Variants in KIF1A observed in about 807,000 individuals in gnomAD.
The protein encoded by KIF1A is kinesin family member 1A.
Under a neutral mutation model 227.3 loss-of-function variants are expected in KIF1A, and 46 were observed. The observed-to-expected ratio is 0.20, with a 90% CI of 0.16 to 0.26. The LOEUF (loss-of-function observed/expected upper bound fraction) is 0.26, where lower values mean the gene tolerates loss of function less well. Among genes scored for constraint, KIF1A ranks in the 10% least tolerant of loss-of-function variants. The probability of loss-of-function intolerance (pLI) is 1.00; values close to 1 mark genes in which losing one functional copy is unlikely to be tolerated. For missense variants in KIF1A, 1,683 were observed against 2,485.9 expected, an observed-to-expected ratio of 0.68 and a Z score of 6.87; for synonymous variants, 1,022 against 1,012.8, an observed-to-expected ratio of 1.01 and a Z score of -0.17.
intron 1 of KIF1A, among the ~76,000 whole-genome samples, chr2:240,799,413 G>T (rs1272336318): frequency 6.6e-6 from 1 of 152,188 alleles, no homozygotes; most frequent in Non-Finnish European, 1.5e-5. Flanking sequence ...GAGGCTACAG[G>T]GGAGGGGGAT....
chr2:240,742,857 G>A, intron 34 of KIF1A, 72 bp downstream of exon 34: 3 of 1,353,240 alleles, frequency 2.2e-6, no homozygotes, highest in African/African-American at 1.4e-5. Context: ...TCACTGCGGG[G>A]GCCCAGCCCA....
Position 240,773,183 on chromosome 2 carries a change from C to T in KIF1A, c.1111G>A (p.Glu371Lys), listed in dbSNP as rs2052247592. ...NEDPNNKLIR[E>K]LKDEVTRLRD... ...AGCCGGGTCACCTCATCCTTCAGCT[C>T]GCGGATCAGCTTGTTGTTGGGGTCC... Residue 371 changes from glutamate (E) to lysine (K), a missense_variant, in exon 13 of 49, where the codon GAG becomes AAG. By Grantham distance (56) the Glu-to-Lys change is moderately conservative (BLOSUM62 1). This residue lies in a region of KIF1A where 110 missense variants were observed against 133.1 expected (regional missense o/e 0.83). Coordinates refer to ENST00000498729, the MANE Select transcript of KIF1A (RefSeq NM_001244008.2). 1 of 1,613,826 alleles carries T rather than the reference C, an allele frequency of 6.2e-7. No homozygotes were observed. The highest frequency in any genetic ancestry group is 8.5e-7 in the Non-Finnish European group (1 of 1,179,852).
intron 1 of KIF1A, among the ~76,000 whole-genome samples, chr2:240,807,559 A>G (rs1011359971): frequency 5.9e-5 from 9 of 152,246 alleles, no homozygotes; most frequent in Non-Finnish European, 1.3e-4. Context: ...GACAAGGGAA[A>G]AACATTTGTA....
rs1306401374 is a variant in KIF1A at position 240,789,163 on chromosome 2, T to A, written c.183+73A>T. 8.8e-6 allele frequency: 11 copies of A among 1,243,390 alleles called. No individual in the cohort carries two copies. The highest frequency in any genetic ancestry group is 1.3e-5 in the Non-Finnish European group (11 of 847,690). 77.0% of individuals were successfully genotyped at this position (1,243,390 alleles called of 1,614,324 possible). A position where few individuals can be genotyped will look rare whatever the true frequency, so the allele number is the denominator to read the frequency against. Reference sequence around the variant, plus strand: ...GAGAGGAATGAGCGGCTCAGAGAAGTTGAGGGACCCCGAGGGCCACATGGC... The same window carrying A: ...GAGAGGAATGAGCGGCTCAGAGAAGATGAGGGACCCCGAGGGCCACATGGC... On this transcript the variant is annotated intron_variant, in intron 3 of 48. Transcript: ENST00000498729. The surrounding 1 kb of genome is among the most constrained non-coding windows in gnomAD (Gnocchi z 4.8).
rs376012799 is a variant in KIF1A at position 240,758,463 on chromosome 2, G to A, written c.2479C>T (p.Arg827Cys). Reference sequence around the variant, plus strand: ...ACACTGGAGGGCACCTCTGCAGCGCGGTCGTACATCTCCCGCATCAGGTCC... The same window carrying A: ...ACACTGGAGGGCACCTCTGCAGCGCAGTCGTACATCTCCCGCATCAGGTCC... ...RLDLMREMYD[R>C]AAEVPSSVIE... The change falls in exon 26 of 49, where the codon CGC becomes TGC. Residue 827 changes from arginine (R) to cysteine (C), a missense_variant. By Grantham distance (180) the Arg-to-Cys change is radical. Coordinates refer to ENST00000498729, the MANE Select transcript of KIF1A (RefSeq NM_001244008.2). The surrounding 1 kb of genome is among the most constrained non-coding windows in gnomAD (Gnocchi z 5.2). 3.7e-5 allele frequency: 59 copies of A among 1,606,350 alleles called. No homozygotes were observed. The highest frequency in any genetic ancestry group is 4.0e-5 in the Non-Finnish European group (47 of 1,176,194).
rs756764134 is a variant in KIF1A, at chr2:240,769,631, C to G, written c.1417G>C (p.Glu473Gln). 6.2e-7 allele frequency: 1 copy of G among 1,613,022 alleles called. No homozygotes were observed. Among genetic ancestry groups the G allele is most frequent in the Non-Finnish European group, 8.5e-7 (1 of 1,179,578 alleles). The change falls in exon 16 of 49, where the codon GAG (glutamate) becomes CAG (glutamine). Residue 473 changes from glutamate (E) to glutamine (Q), a missense_variant. This residue lies in a region of KIF1A where 217 missense variants were observed against 427.0 expected (regional missense o/e 0.51). Coordinates refer to ENST00000498729, the MANE Select transcript of KIF1A (RefSeq NM_001244008.2). ...KLRRTEAIRM[E>Q]REALLAEMGV... Reference sequence around the variant, plus strand: ...CTCAGTTTCCCCGCTGCACACCTCTCCATCCGGATGGCTTCTGTCCGCCGC... The same window carrying G: ...CTCAGTTTCCCCGCTGCACACCTCTGCATCCGGATGGCTTCTGTCCGCCGC...
Position 240,797,556 on chromosome 2 carries a change from C to A in KIF1A, c.106+91G>T, listed in dbSNP as rs1233633190. On this transcript the variant is annotated intron_variant, in intron 2 of 48. Transcript: ENST00000498729. ...AAGGAGGTGCTCTTGCGGCCAGGGC[C>A]AGGTTGACTGCTGAGCCTGGCCCAT... The A allele has an allele frequency of 3.4e-6, 3 of 886,226 alleles. No individual in the cohort carries two copies. In the African/African-American group the frequency reaches 4.9e-5, roughly 15 times the overall value. The allele number at this position is 886,226 out of a possible 1,614,324, so 54.9% of individuals were successfully genotyped here. A position where few individuals can be genotyped will look rare whatever the true frequency, so the allele number is the denominator to read the frequency against.
At chr2:240,759,582 T>TCGGCCTC (rs1232317560) in intron 25 of KIF1A, among the ~76,000 whole-genome samples, 5,112 of 69,826 alleles carry the variant, frequency 0.073, 133 homozygotes, top group Middle Eastern at 0.21. Flanking sequence ...CCTACTCCTC[T>TCGGCCTC]CTGCCTGGTG....
At chr2:240,815,600 A>G (rs779627841) in intron 1 of KIF1A, among the ~76,000 whole-genome samples, 7 of 152,198 alleles carry the variant, frequency 4.6e-5, no homozygotes, top group Non-Finnish European at 8.8e-5. Context: ...AAAATGCGGT[A>G]CCTGGGCTAG....
chr2:240,760,323 C>T (rs993445195), intron 25 of KIF1A, among the ~76,000 whole-genome samples: 9 of 152,258 alleles, frequency 5.9e-5, no homozygotes, highest in Non-Finnish European at 1.3e-4. Context: ...CTTGGCGCTC[C>T]GCCAGCCTGT....
At chr2:240,815,262 C>G (rs2058234677) in intron 1 of KIF1A, among the ~76,000 whole-genome samples, 1 of 152,230 alleles carries the variant, frequency 6.6e-6, no homozygotes, top group African/African-American at 2.4e-5. Context: ...CTGCACCATC[C>G]TGGCTTGAGC....
upstream of KIF1A, among the ~76,000 whole-genome samples, chr2:240,820,893 C>T (rs2058667846): frequency 6.6e-6 from 1 of 152,068 alleles, no homozygotes; most frequent in African/African-American, 2.4e-5. The surrounding 1 kb of genome is among the most constrained non-coding windows in gnomAD (Gnocchi z 6.2). Flanking sequence ...CGCCCCACCT[C>T]TCCAGGCCCC....
chr2:240,750,381 C>T, intron 28 of KIF1A, 48 bp downstream of exon 28: 1 of 1,440,462 alleles, frequency 6.9e-7, no homozygotes. Flanking sequence ...AGGTCAGAGC[C>T]AGCCCCAGGG....
At chr2:240,762,237 G>A (rs1022471130) in intron 23 of KIF1A, among the ~76,000 whole-genome samples, 2 of 152,256 alleles carry the variant, frequency 1.3e-5, no homozygotes, top group Non-Finnish European at 2.9e-5. Context: ...GCCCACAGCT[G>A]CGGGAGGTCA....
At chr2:240,717,882 A>C (rs2044747986) in intron 48 of KIF1A, among the ~76,000 whole-genome samples, 168 bp downstream of exon 48, 1 of 151,862 alleles carries the variant, frequency 6.6e-6, no homozygotes, top group South Asian at 2.1e-4. Flanking sequence ...GAGCAACCGC[A>C]CCCTGCGGCT....
rs376320868 is a variant in KIF1A, at chr2:240,785,037, G to T, written c.672C>A (p.Ile224=). 4.3e-6 allele frequency: 7 copies of T among 1,613,524 alleles called. No individual in the cohort carries two copies. Among genetic ancestry groups the T allele is most frequent in the Non-Finnish European group, 5.9e-6 (7 of 1,179,838 alleles). ...SSRSHAVFNI[I]FTQKRHDAET... ...CTGCGTCATGGCGCTTCTGGGTGAA[G>T]ATGATGTTGAAGACGGCGTGGGAGC... The change falls in exon 7 of 49, where the codon ATC becomes ATA. Residue 224 remains isoleucine (I), a synonymous_variant. Transcript: ENST00000498729.
rs1182817040 is a variant in KIF1A at position 240,718,949 on chromosome 2, C to T, written c.5214+57G>A. The T allele has an allele frequency of 7.7e-6, 11 of 1,420,558 alleles. No homozygotes were observed. In the East Asian group the frequency reaches 2.5e-4, roughly 33 times the overall value. The allele number at this position is 1,420,558 out of a possible 1,614,324, so 88.0% of individuals were successfully genotyped here. A position where few individuals can be genotyped will look rare whatever the true frequency, so the allele number is the denominator to read the frequency against. On this transcript the variant is annotated intron_variant, in intron 47 of 48. Transcript: ENST00000498729. ...CGCAGGGCTGCAGAGGATGGTGGCT[C>T]AGCTCCTGCCCTGCTAGGGTTCCTG...
chr2:240,787,100 G>A (rs946841873), intron 5 of KIF1A, 151 bp downstream of exon 5: 15 of 669,592 alleles, frequency 2.2e-5, no homozygotes, highest in Admixed American at 8.5e-5. Flanking sequence ...CCCTGCCCAG[G>A]CCCGCCGTCT....
chr2:240,743,689 A>G (rs1355189759), intron 33 of KIF1A, among the ~76,000 whole-genome samples: 2 of 152,170 alleles, frequency 1.3e-5, no homozygotes, highest in African/African-American at 2.4e-5. Flanking sequence ...CACACTGCCC[A>G]GGCCAGCAGG....
Sources: gnomAD v4.1 joint callset for allele counts (sites outside exome capture counted in the v4.1 genomes callset) on GRCh38, gnomAD v4.1.1 for gene constraint, gnomAD v4.1.1 regional missense constraint, Gnocchi (gnomAD v3.1) non-coding constraint, MANE v1.5 for transcripts, NCBI Gene and HGNC (gene_info 2026-07-23, HGNC 2026-07-21) for gene names.